FOXP2: variants seen among roughly 807,000 people sequenced by gnomAD.
FOXP2 encodes the protein forkhead box protein P2.
A neutral mutation model predicts 115.8 loss-of-function variants in FOXP2; 12 were observed. The observed-to-expected ratio is 0.10, with a 90% CI of 0.07 to 0.17. The LOEUF is 0.17. Among genes scored for constraint, FOXP2 ranks in the 10% least tolerant of loss-of-function variants. The probability of loss-of-function intolerance (pLI) is 1.00; values close to 1 mark genes in which losing one functional copy is unlikely to be tolerated. For synonymous variants in FOXP2, 328 were observed against 297.7 expected, an observed-to-expected ratio of 1.10 and a Z score of -1.05; for missense variants, 629 against 843.5, an observed-to-expected ratio of 0.75 and a Z score of 3.15.
chr7:114,125,439 C>T (rs1414718604), intron 1 of FOXP2, among the ~76,000 whole-genome samples: 1 of 152,076 alleles, frequency 6.6e-6, no homozygotes, highest in Admixed American at 6.6e-5. Flanking sequence ...TGAATCTTCT[C>T]TTTTGGACTT....
chr7:114,153,150 A>G (rs776916), intron 1 of FOXP2, among the ~76,000 whole-genome samples: 3,973 of 152,270 alleles, frequency 0.026, 182 homozygotes, highest in African/African-American at 0.088. Flanking sequence ...ACTTTGGCAT[A>G]TTAGAAATAA....
intron 2 of FOXP2, among the ~76,000 whole-genome samples, chr7:114,442,882 A>G (rs1794671395): frequency 6.6e-6 from 1 of 152,222 alleles, no homozygotes; most frequent in Non-Finnish European, 1.5e-5. Flanking sequence ...TCCAGATCAA[A>G]GATAGAATTG....
chr7:114,551,497 T>A (rs772725678), intron 3 of FOXP2, among the ~76,000 whole-genome samples: 1 of 152,222 alleles, frequency 6.6e-6, no homozygotes, highest in Non-Finnish European at 1.5e-5. Context: ...CACTTACAGA[T>A]GAGCAGAATA....
At chr7:114,410,431 G>A (rs1275102343), upstream of FOXP2, among the ~76,000 whole-genome samples, 2 of 152,130 alleles carry the variant, frequency 1.3e-5, no homozygotes, top group East Asian at 1.9e-4. Context: ...TTGACCCTGA[G>A]GAACTTAAAA....
intron 2 of FOXP2, among the ~76,000 whole-genome samples, chr7:114,325,124 A>T (rs1239791913): frequency 3.9e-5 from 6 of 151,926 alleles, no homozygotes; most frequent in Admixed American, 2.6e-4. Flanking sequence ...TCTTTAAAAA[A>T]TGTATTATTG....
At chr7:114,371,859 G>T (rs1007070298) in intron 2 of FOXP2, among the ~76,000 whole-genome samples, 1 of 151,922 alleles carries the variant, frequency 6.6e-6, no homozygotes, top group Non-Finnish European at 1.5e-5. Flanking sequence ...TTTTATTGTG[G>T]ACCGTTAGGC....
chr7:114,385,044 C>A (rs1792408594), intron 2 of FOXP2, among the ~76,000 whole-genome samples: 1 of 151,676 alleles, frequency 6.6e-6, no homozygotes, highest in African/African-American at 2.4e-5. Context: ...GTCTCTCTCT[C>A]CCCCCCTCTC....
At chr7:114,260,306 G>A (rs1584587474) in intron 1 of FOXP2, among the ~76,000 whole-genome samples, 2 of 151,882 alleles carry the variant, frequency 1.3e-5, no homozygotes, top group African/African-American at 4.8e-5. Context: ...ATCAGGGATG[G>A]CCTTGTGAAT....
rs3934147 is a variant in FOXP2 at position 114,394,880 on chromosome 7, C to T, written c.-10-31622C>T. 1.6e-4 allele frequency among the ~76,000 whole-genome samples: 24 copies of T among 152,210 alleles called. No individual in the cohort carries two copies. In the South Asian group the frequency reaches 1.7e-3, roughly 11 times the overall value. On this transcript the variant is annotated intron_variant, in intron 2 of 17. Coordinates refer to the FOXP2 transcript ENST00000634411. ...TGTGTGATTCTGAACTGGATCCCTT[C>T]GCTAGAGAGGACATTATTAGGACAA...
chr7:114,237,855 G>C (rs1421668961), intron 1 of FOXP2, among the ~76,000 whole-genome samples: 1 of 151,872 alleles, frequency 6.6e-6, no homozygotes, highest in Non-Finnish European at 1.5e-5. Flanking sequence ...GGTGCCTGTG[G>C]TGCAAGCTGC....
At chr7:114,612,463 GAATGAATA>G (rs995635528) in intron 3 of FOXP2, among the ~76,000 whole-genome samples, 13 of 151,922 alleles carry the variant, frequency 8.6e-5, no homozygotes, top group African/African-American at 2.9e-4. Flanking sequence ...CTCCCTAAGG[GAATGAATA>G]AATGAATAAA....
At chr7:114,597,389 G>T (rs577470922) in intron 3 of FOXP2, among the ~76,000 whole-genome samples, 1 of 152,094 alleles carries the variant, frequency 6.6e-6, no homozygotes, top group South Asian at 2.1e-4. Context: ...AAGTATTGGT[G>T]GTCTATGAAG....
intron 1 of FOXP2, among the ~76,000 whole-genome samples, chr7:114,148,356 C>G (rs1284769207): frequency 6.6e-6 from 1 of 152,072 alleles, no homozygotes; most frequent in Non-Finnish European, 1.5e-5. Context: ...TAAAAACTTT[C>G]TTTTTCCTTA....
At chr7:114,391,599 T>C (rs1030398687) in intron 2 of FOXP2, among the ~76,000 whole-genome samples, 1 of 152,254 alleles carries the variant, frequency 6.6e-6, no homozygotes, top group African/African-American at 2.4e-5. Flanking sequence ...TTCCAAGGTC[T>C]TGATAAATGT....
rs1796572469 is a variant in FOXP2 at position 114,290,818 on chromosome 7, T to TAA, written c.-11+2710_-11+2711dup. ...CAAATCACCAAGGCTCTTTTACGCT[T>TAA]AATTTGTCAATCTAGAGAATAGAGA... is the stretch of plus-strand genomic sequence containing the variant. On this transcript the variant is annotated intron_variant, in intron 2 of 17. Coordinates refer to the FOXP2 transcript ENST00000634411. Among the ~76,000 whole-genome samples, 3 of 152,150 alleles carry TAA rather than the reference T, an allele frequency of 2.0e-5. No individual in the cohort carries two copies. In the South Asian group the frequency reaches 6.2e-4, roughly 31 times the overall value.
At chr7:114,162,368 T>G (rs1017481244), upstream of FOXP2, among the ~76,000 whole-genome samples, 3 of 152,140 alleles carry the variant, frequency 2.0e-5, no homozygotes, top group Non-Finnish European at 4.4e-5. Context: ...CTTGCTTCAG[T>G]AGCAGTTTCC....
At chr7:114,269,544 G>C (rs1425639726) in intron 1 of FOXP2, among the ~76,000 whole-genome samples, 1 of 152,126 alleles carries the variant, frequency 6.6e-6, no homozygotes, top group Non-Finnish European at 1.5e-5. Flanking sequence ...TCCAGTCTCA[G>C]CCTCCCAAAG....
rs180894263 is a variant in FOXP2 at position 114,258,429 on chromosome 7, C to T, written c.-101-29590C>T. Among the ~76,000 whole-genome samples, 202 of 152,200 alleles carry T rather than the reference C, an allele frequency of 1.3e-3. 1 individual carries two copies. The highest frequency in any genetic ancestry group is 4.7e-3 in the African/African-American group (195 of 41,520). On this transcript the variant is annotated intron_variant, in intron 1 of 17. Coordinates refer to the FOXP2 transcript ENST00000634411. ...AAAGAAAAATAGTATTATAGGATCA[C>T]CTTTTGAAAAGCATAGGATTAGAGC...
At chr7:114,351,094 TTTTCTG>T (rs1791477397) in intron 2 of FOXP2, among the ~76,000 whole-genome samples, 1 of 152,146 alleles carries the variant, frequency 6.6e-6, no homozygotes, top group Admixed American at 6.6e-5. Flanking sequence ...TTCTCAAATA[TTTTCTG>T]TCCACGGTTT....
Sources: gnomAD v4.1 joint callset for allele counts (sites outside exome capture counted in the v4.1 genomes callset) on GRCh38, gnomAD v4.1.1 for gene constraint, MANE v1.5 for transcripts, NCBI Gene and HGNC (gene_info 2026-07-23, HGNC 2026-07-21) for gene names.